The following NOL10 variants were observed in gnomAD, a reference collection of about 807,000 sequenced individuals.
The protein encoded by NOL10 is nucleolar protein 10, also known as H_NH0074G24.1.
NOL10 carries 58 observed loss-of-function variants against 103.5 expected under a neutral mutation model. The ratio of observed to expected loss-of-function variants is 0.56; its 90% CI spans 0.45 to 0.70. The LOEUF (loss-of-function observed/expected upper bound fraction) is 0.70. NOL10 is among the 30% of genes least tolerant of loss of function. The probability of loss-of-function intolerance (pLI) is 0.00; values close to 1 mark genes in which losing one functional copy is unlikely to be tolerated. For synonymous variants in NOL10, 287 were observed against 282.5 expected, an observed-to-expected ratio of 1.02 and a Z score of -0.16; for missense variants, 763 against 807.3, an observed-to-expected ratio of 0.95 and a Z score of 0.67.
intron 9 of NOL10, among the ~76,000 whole-genome samples, chr2:10,662,302 G>A (rs1239004272): frequency 6.6e-6 from 1 of 152,132 alleles, no homozygotes; most frequent in Non-Finnish European, 1.5e-5. Flanking sequence ...AATATCCTCA[G>A]GCTCTTTCTA....
chr2:10,617,313 G>A (rs1676886237), intron 13 of NOL10, among the ~76,000 whole-genome samples: 3 of 152,220 alleles, frequency 2.0e-5, no homozygotes, highest in Non-Finnish European at 4.4e-5. Flanking sequence ...ATGGTGAGCA[G>A]GGGCATTCAT....
chr2:10,671,521 G>A, intron 6 of NOL10, 33 bp downstream of exon 6: 1 of 1,478,884 alleles, frequency 6.8e-7, no homozygotes, highest in Non-Finnish European at 9.0e-7. Context: ...GTTTTAGGAG[G>A]TGAAAAGGAG....
intron 13 of NOL10, among the ~76,000 whole-genome samples, chr2:10,619,995 C>T (rs974367840): frequency 4.6e-5 from 7 of 152,214 alleles, no homozygotes; most frequent in African/African-American, 1.4e-4. Flanking sequence ...CACATGCACA[C>T]GCACACATGC....
chr2:10,576,654 G>A lies in NOL10; in HGVS notation c.1947+982C>T, dbSNP rs534701875. ...ATGATTCCATTTGTATGAAATGCCCGGAACAGGCAAAGCTATGGAGACAGG... is the reference window on the plus strand; with the variant it reads ...ATGATTCCATTTGTATGAAATGCCCAGAACAGGCAAAGCTATGGAGACAGG... On this transcript the variant is annotated intron_variant, in intron 20 of 20. Transcript: ENST00000381685. Among the ~76,000 whole-genome samples, 6 of 152,278 alleles carry A rather than the reference G, an allele frequency of 3.9e-5. No homozygotes were observed. The South Asian group carries it at 8.3e-4, about 21-fold the overall frequency.
intron 19 of NOL10, among the ~76,000 whole-genome samples, chr2:10,582,187 G>A (rs190507327): frequency 6.6e-6 from 1 of 152,296 alleles, no homozygotes; most frequent in East Asian, 1.9e-4. Context: ...AGAGGAATGT[G>A]AGCTGAAGAG....
intron 12 of NOL10, among the ~76,000 whole-genome samples, chr2:10,645,361 T>C (rs1678980649): frequency 2.0e-5 from 3 of 152,192 alleles, no homozygotes; most frequent in Admixed American, 1.3e-4. Context: ...GATAAATGAA[T>C]ATACCAAATG....
chr2:10,676,531 C>CGT (rs1681320646), intron 3 of NOL10, among the ~76,000 whole-genome samples: 3 of 152,042 alleles, frequency 2.0e-5, no homozygotes, highest in African/African-American at 7.2e-5. Context: ...GCTGCCAAAA[C>CGT]GTACTATAAA....
intron 16 of NOL10, among the ~76,000 whole-genome samples, 200 bp from the exon 17 acceptor site, chr2:10,601,142 C>A (rs946507152): frequency 6.6e-6 from 1 of 151,980 alleles, no homozygotes; most frequent in East Asian, 1.9e-4. Flanking sequence ...CAGCTCACTG[C>A]AACCTCCGCC....
chr2:10,571,822 G>T lies in NOL10; in HGVS notation c.*249C>A. On this transcript the variant is annotated 3_prime_UTR_variant, in exon 21 of 21. Coordinates refer to ENST00000381685, the MANE Select transcript of NOL10 (RefSeq NM_024894.4). ...CCTGGTTTTCATGATTAACGCCGTG[G>T]GGAAAGGACAATGTTTCCAGGGAGC... 1 of 362,908 alleles carries T rather than the reference G, an allele frequency of 2.8e-6. No individual in the cohort carries two copies. The highest frequency in any genetic ancestry group is 4.9e-6 in the Non-Finnish European group (1 of 203,528). 22.5% of individuals were successfully genotyped at this position (362,908 alleles called of 1,614,324 possible).
intron 13 of NOL10, among the ~76,000 whole-genome samples, chr2:10,627,297 T>C (rs1173347528): frequency 6.6e-6 from 1 of 152,234 alleles, no homozygotes; most frequent in South Asian, 2.1e-4. Flanking sequence ...TCTTTCCGGA[T>C]CTTTCTTATA....
At chr2:10,634,688 G>A (rs761717951) in intron 13 of NOL10, 35 of 440,984 alleles carry the variant, frequency 7.9e-5, no homozygotes, top group South Asian at 1.9e-4. Context: ...AAGTCCTAGC[G>A]CTCACTAACA....
chr2:10,581,350 A>G (rs917396331), intron 19 of NOL10, among the ~76,000 whole-genome samples: 3 of 152,156 alleles, frequency 2.0e-5, no homozygotes, highest in Admixed American at 6.5e-5. Context: ...GTGTGCATAC[A>G]CACATTTGCG....
At chr2:10,583,790 T>C (rs1674886436) in intron 19 of NOL10, among the ~76,000 whole-genome samples, 1 of 152,258 alleles carries the variant, frequency 6.6e-6, no homozygotes, top group African/African-American at 2.4e-5. Context: ...GTTTGAGAGC[T>C]GGTCTCTGGG....
At chr2:10,663,361 C>T (rs1680337106) in intron 8 of NOL10, among the ~76,000 whole-genome samples, 1 of 106,198 alleles carries the variant, frequency 9.4e-6, no homozygotes, top group Admixed American at 1.0e-4. Flanking sequence ...AGCAAGACTT[C>T]GTCTCAAAAA....
At chr2:10,679,870 C>T (rs1681606522) in intron 3 of NOL10, among the ~76,000 whole-genome samples, 1 of 152,214 alleles carries the variant, frequency 6.6e-6, no homozygotes, top group Non-Finnish European at 1.5e-5. Context: ...ATCTGACTGC[C>T]TCAGCCTCCC....
intron 13 of NOL10, chr2:10,634,516 G>A (rs1377449635): frequency 1.8e-5 from 8 of 456,600 alleles, no homozygotes; most frequent in South Asian, 9.3e-5. Flanking sequence ...TGGAGAAGCC[G>A]AGTAGACTGG....
In NOL10 at chr2:10,638,481, C is replaced by T. The variant is rs1284452467; in HGVS notation, c.1026+5839G>A. Reference sequence around the variant, plus strand: ...AAGCACATACCCTTATAGCTGAATTCCCTTTTTTTTTTTTTTTTTTTTTTT... The same window carrying T: ...AAGCACATACCCTTATAGCTGAATTTCCTTTTTTTTTTTTTTTTTTTTTTT... On this transcript the variant is annotated intron_variant, in intron 13 of 20. Transcript: ENST00000381685. 4.5e-3 allele frequency among the ~76,000 whole-genome samples: 461 copies of T among 101,956 alleles called. 3 individuals carry two copies. The highest frequency in any genetic ancestry group is 6.1e-3 in the Non-Finnish European group (319 of 51,972). The allele number at this position is 101,956 out of a possible 152,430, so 66.9% of individuals were successfully genotyped here.
intron 19 of NOL10, among the ~76,000 whole-genome samples, chr2:10,588,646 C>T (rs1241902283): frequency 6.6e-6 from 1 of 152,154 alleles, no homozygotes; most frequent in Non-Finnish European, 1.5e-5. Flanking sequence ...CTGTAGGGCA[C>T]AGAGTAAGTA....
rs1275945510 is a variant in NOL10, at chr2:10,607,181, T to TTA, written c.1153+2_1153+3dup. 1 of 1,541,568 alleles carries TTA rather than the reference T, an allele frequency of 6.5e-7. No individual in the cohort carries two copies. On this transcript the variant is annotated splice_donor_region_variant and intron_variant, in intron 14 of 20. Coordinates refer to ENST00000381685, the MANE Select transcript of NOL10 (RefSeq NM_024894.4). The stretch of plus-strand genomic sequence containing the variant: ...ATAATATTTCATCACAATTTTTTTT[T>TTA]TACCTAAATTTTCAAGGTCTTTCTT...
Sources: allele counts gnomAD v4.1 joint callset (sites outside exome capture counted in the v4.1 genomes callset), GRCh38; gene constraint gnomAD v4.1.1; transcripts MANE v1.5; gene names NCBI Gene and HGNC (gene_info 2026-07-23, HGNC 2026-07-21).